The following CPS1 variants were observed in gnomAD, a reference collection of about 807,000 sequenced individuals.
The protein encoded by CPS1 is carbamoyl-phosphate synthase [ammonia], mitochondrial.
A neutral mutation model predicts 174.6 loss-of-function variants in CPS1; 109 were observed. The ratio of observed to expected loss-of-function variants is 0.62; its 90% CI spans 0.53 to 0.73. The LOEUF (loss-of-function observed/expected upper bound fraction) is 0.73. CPS1 is among the 30% of genes least tolerant of loss of function. The pLI is 0.00. For missense variants in CPS1, 1,689 were observed against 1,821.9 expected (o/e 0.93, Z 1.33); for synonymous variants, 637 against 632.0 (o/e 1.01, Z -0.12).
rs555490990 is a variant in CPS1 at position 210,510,838 on chromosome 2, C to T, written c.3+33072C>T. Among the ~76,000 whole-genome samples, 241 of 152,318 alleles carry T rather than the reference C, an allele frequency of 1.6e-3. 5 individuals carry two copies. The highest frequency in any genetic ancestry group is 0.012 in the East Asian group (62 of 5,188). ...AATCAAAACCACAATGAGATACCAT[C>T]TCACACCAGTTAGAATGGCGATCAT... is the stretch of plus-strand genomic sequence containing the variant. On this transcript the variant is annotated intron_variant, in intron 1 of 38. Coordinates refer to the CPS1 transcript ENST00000430249.
intron 1 of CPS1, among the ~76,000 whole-genome samples, chr2:210,557,701 G>A (rs949959751): frequency 2.0e-5 from 3 of 152,036 alleles, no homozygotes; most frequent in African/African-American, 7.2e-5. Context: ...ATTAGCTTTA[G>A]ATATATTGCT....
chr2:210,625,081 T>C (rs1457057715), intron 21 of CPS1, among the ~76,000 whole-genome samples: 3 of 152,094 alleles, frequency 2.0e-5, no homozygotes, highest in Non-Finnish European at 4.4e-5. Flanking sequence ...GACCAAATGG[T>C]ATTTGTTCTT....
At chr2:210,658,832 T>A in intron 31 of CPS1, 144 bp downstream of exon 31, 1 of 697,800 alleles carries the variant, frequency 1.4e-6, no homozygotes, top group Admixed American at 2.0e-5. Context: ...TGTGGAATGA[T>A]GCATAGCATA....
intron 29 of CPS1, among the ~76,000 whole-genome samples, chr2:210,655,981 A>G (rs1700692358): frequency 6.6e-6 from 1 of 152,176 alleles, no homozygotes; most frequent in Non-Finnish European, 1.5e-5. Context: ...AACCTGGGTT[A>G]TTTATTATTA....
upstream of CPS1, among the ~76,000 whole-genome samples, chr2:210,554,838 C>T (rs1293766622): frequency 1.4e-4 from 5 of 35,264 alleles, no homozygotes; most frequent in Non-Finnish European, 4.6e-4. Context: ...ACCCTCACTA[C>T]ACACACACAC....
chr2:210,641,724 C>G (rs1229386440), intron 24 of CPS1, among the ~76,000 whole-genome samples: 2 of 152,186 alleles, frequency 1.3e-5, no homozygotes, highest in African/African-American at 4.8e-5. Context: ...AGCTAATAAT[C>G]AAGTGTGTGC....
chr2:210,641,637 A>G (rs1297247254), intron 24 of CPS1, among the ~76,000 whole-genome samples: 1 of 152,182 alleles, frequency 6.6e-6, no homozygotes, highest in East Asian at 1.9e-4. Context: ...TCTCTGGAGT[A>G]CTTTTTCTTC....
Position 210,595,498 on chromosome 2 carries a change from C to T in CPS1, c.1275C>T (p.Val425=), listed in dbSNP as rs202149657. The T allele has an allele frequency of 1.3e-5, 21 of 1,610,392 alleles. No individual in the cohort carries two copies. Among genetic ancestry groups the T allele is most frequent in the Non-Finnish European group, 1.7e-5 (20 of 1,177,400 alleles). Residue 425 remains valine, a synonymous_variant, in exon 13 of 38, where the codon GTC becomes GTT. Transcript: ENST00000233072. The stretch of plus-strand genomic sequence containing the variant: ...CTTATTGCTTATAGGTTTCCAAAGT[C>T]CTTATTCTAGGATCAGGAGGTCTGT... ...LVASRVEVSK[V]LILGSGGLSI... is the part of the protein sequence containing the mutation.
At chr2:210,482,840 C>G (rs755960881) in intron 1 of CPS1, among the ~76,000 whole-genome samples, 5 of 152,176 alleles carry the variant, frequency 3.3e-5, no homozygotes, top group African/African-American at 4.8e-5. Flanking sequence ...AATATCTTTT[C>G]ACTGCAGCCT....
At chr2:210,589,660 T>C (rs1288415705) in intron 7 of CPS1, among the ~76,000 whole-genome samples, 1 of 151,960 alleles carries the variant, frequency 6.6e-6, no homozygotes, top group African/African-American at 2.4e-5. Context: ...TGTTTATTTT[T>C]ATTTTTATTT....
At position 210,639,165 on chromosome 2, in the gene CPS1, G is replaced by A. The variant is rs537170841; in HGVS notation, c.2845G>A (p.Ala949Thr). The A allele has an allele frequency of 4.9e-5, 79 of 1,612,408 alleles. No homozygotes were observed. Among genetic ancestry groups the A allele is most frequent in the Non-Finnish European group, 5.9e-5 (70 of 1,178,676 alleles). The part of the protein sequence containing the change: ...PWVKQIDTLA[A>T]EYPSVTNYLY... Reference sequence around the variant, plus strand: ...TCTCTTACAGATTGATACACTGGCTGCAGAATACCCATCAGTAACAAACTA... The same window carrying A: ...TCTCTTACAGATTGATACACTGGCTACAGAATACCCATCAGTAACAAACTA... Residue 949 changes from alanine to threonine, a missense_variant, in exon 23 of 38, where the codon GCA becomes ACA. Ala to Thr is a moderately conservative substitution (Grantham distance 58, BLOSUM62 0). Coordinates refer to ENST00000233072, the MANE Select transcript of CPS1 (RefSeq NM_001875.5).
intron 20 of CPS1, among the ~76,000 whole-genome samples, chr2:210,615,938 C>T (rs1183440614): frequency 2.0e-5 from 3 of 152,064 alleles, no homozygotes; most frequent in Non-Finnish European, 4.4e-5. Flanking sequence ...CATAAATTCT[C>T]ACTGACTATT....
chr2:210,553,649 G>A (rs899871085), upstream of CPS1, among the ~76,000 whole-genome samples: 2 of 151,914 alleles, frequency 1.3e-5, no homozygotes, highest in African/African-American at 2.4e-5. Flanking sequence ...CAGCTTATAT[G>A]AAGGAGGACT....
intron 1 of CPS1, among the ~76,000 whole-genome samples, chr2:210,487,200 A>G (rs1377506776): frequency 2.0e-5 from 3 of 152,078 alleles, no homozygotes; most frequent in African/African-American, 4.8e-5. Context: ...CCTACTGAAC[A>G]ACATGTCACT....
chr2:210,575,683 C>T (rs946226853), intron 2 of CPS1, among the ~76,000 whole-genome samples: 11 of 151,966 alleles, frequency 7.2e-5, no homozygotes, highest in African/African-American at 1.2e-4. Context: ...GTCAAGTCTG[C>T]GAGATGAATT....
chr2:210,646,450 A>T (rs1490816716), intron 25 of CPS1, among the ~76,000 whole-genome samples: 1 of 152,210 alleles, frequency 6.6e-6, no homozygotes, highest in African/African-American at 2.4e-5. Context: ...TTAGTTACAC[A>T]GTACCGTAAT....
intron 1 of CPS1, among the ~76,000 whole-genome samples, chr2:210,509,649 A>T (rs376658078): frequency 6.6e-6 from 1 of 152,176 alleles, no homozygotes; most frequent in South Asian, 2.1e-4. Context: ...TCAGCCCAAA[A>T]TCTCCTTAAG....
Position 210,668,182 on chromosome 2 carries a change from A to G in CPS1, c.4003-4A>G, listed in dbSNP as rs1183174727. On this transcript the variant is annotated splice_region_variant and splice_polypyrimidine_tract_variant and intron_variant, in intron 33 of 37. Coordinates refer to ENST00000233072, the MANE Select transcript of CPS1 (RefSeq NM_001875.5). ...ATTTTAATTTTTTATTTATTTCTAAACAGGTGGCTTGCTTTGGTGAAGGTA... is the reference window on the plus strand; with the variant it reads ...ATTTTAATTTTTTATTTATTTCTAAGCAGGTGGCTTGCTTTGGTGAAGGTA... The G allele has an allele frequency of 1.9e-6, 3 of 1,609,842 alleles. No homozygotes were observed. The highest frequency in any genetic ancestry group is 2.5e-6 in the Non-Finnish European group (3 of 1,176,476).
At chr2:210,635,418 T>G (rs1574623253) in intron 21 of CPS1, among the ~76,000 whole-genome samples, 1 of 152,318 alleles carries the variant, frequency 6.6e-6, no homozygotes, top group African/African-American at 2.4e-5. Flanking sequence ...TTTCCTTATC[T>G]TCTGGGGCAG....
Sources: gnomAD v4.1 joint callset for allele counts (sites outside exome capture counted in the v4.1 genomes callset) on GRCh38, gnomAD v4.1.1 for gene constraint, MANE v1.5 for transcripts, NCBI Gene and HGNC (gene_info 2026-07-23, HGNC 2026-07-21) for gene names.